Variants in SERGEF observed in about 807,000 individuals in gnomAD.
SERGEF encodes the protein secretion regulating guanine nucleotide exchange factor.
SERGEF carries 51 observed loss-of-function variants against 50.0 expected under a neutral mutation model. The observed-to-expected ratio is 1.02, with a 90% CI of 0.81 to 1.29. The LOEUF is 1.29. Among genes scored for constraint, SERGEF ranks in the 50% most tolerant of loss-of-function variants. The probability of loss-of-function intolerance (pLI) is 0.00; values close to 1 mark genes in which losing one functional copy is unlikely to be tolerated. For missense variants in SERGEF, 521 were observed against 557.0 expected, an observed-to-expected ratio of 0.94 and a Z score of 0.65; for synonymous variants, 205 against 212.4, an observed-to-expected ratio of 0.97 and a Z score of 0.30.
At chr11:17,981,812 T>TC (rs1408054992) in intron 8 of SERGEF, among the ~76,000 whole-genome samples, 4 of 152,076 alleles carry the variant, frequency 2.6e-5, no homozygotes, top group Non-Finnish European at 5.9e-5. Flanking sequence ...TCTTTTTTTT[T>TC]CTCTTTGAGA....
At chr11:17,925,792 G>C (rs1205255506) in intron 9 of SERGEF, among the ~76,000 whole-genome samples, 1 of 152,132 alleles carries the variant, frequency 6.6e-6, no homozygotes, top group African/African-American at 2.4e-5. Flanking sequence ...TGCATTTTTG[G>C]AAGTGTCTTC....
chr11:17,887,334 A>T lies in SERGEF; in HGVS notation c.1012-9090T>A, dbSNP rs180810783. 1.1e-3 allele frequency among the ~76,000 whole-genome samples: 168 copies of T among 152,354 alleles called. 1 individual carries two copies. The highest frequency in any genetic ancestry group is 2.3e-3 in the Non-Finnish European group (157 of 68,028). ...ATCTCTGGTCCTTGCCAACTAAAAA[A>T]GCCTAACACAACAATACATCTGGAT... On this transcript the variant is annotated intron_variant, in intron 9 of 10. Coordinates refer to ENST00000265965, the MANE Select transcript of SERGEF (RefSeq NM_012139.4).
rs757339242 is a variant in SERGEF, at chr11:17,888,859, G to A, written c.1012-10615C>T. ...AAAGAACAGTTTGAGCCTGGAACAT[G>A]TATTTGTACCACGAAGTAAGAAAGT... is the stretch of plus-strand genomic sequence containing the variant. On this transcript the variant is annotated intron_variant, in intron 9 of 10. Transcript: ENST00000265965. This position sits in a 1 kb window ranked among gnomAD's most constrained non-coding sequence, Gnocchi z 4.1. Among the ~76,000 whole-genome samples, 18 of 152,172 alleles carry A rather than the reference G, an allele frequency of 1.2e-4. No individual in the cohort carries two copies. Among genetic ancestry groups the A allele is most frequent in the African/African-American group, 1.2e-4 (5 of 41,432 alleles).
intron 10 of SERGEF, among the ~76,000 whole-genome samples, chr11:17,828,412 A>G (rs1284765409): frequency 1.3e-5 from 2 of 152,220 alleles, no homozygotes; most frequent in Non-Finnish European, 2.9e-5. Context: ...GCTGTGGCTG[A>G]CCAGCCCTGC....
At chr11:17,820,135 C>T (rs1476529126) in intron 10 of SERGEF, among the ~76,000 whole-genome samples, 2 of 152,130 alleles carry the variant, frequency 1.3e-5, no homozygotes, top group Non-Finnish European at 2.9e-5. Context: ...TGAGCCACTG[C>T]ACCTGGCCCT....
At chr11:17,914,966 A>G (rs1852022141) in intron 9 of SERGEF, among the ~76,000 whole-genome samples, 1 of 152,362 alleles carries the variant, frequency 6.6e-6, no homozygotes, top group African/African-American at 2.4e-5. Context: ...GGAGAATAAA[A>G]GAAGAGGTCC....
At chr11:17,977,400 C>T (rs892212112) in intron 8 of SERGEF, among the ~76,000 whole-genome samples, 2 of 152,106 alleles carry the variant, frequency 1.3e-5, no homozygotes, top group African/African-American at 4.8e-5. Context: ...ACTGCTAGAA[C>T]ACAGGCACAG....
chr11:18,012,397 A>G (rs1281402479), intron 1 of SERGEF: 2 of 738,664 alleles, frequency 2.7e-6, no homozygotes, highest in African/African-American at 3.8e-5. Context: ...CGTCAAACCA[A>G]CAGCAGCCCA....
intron 10 of SERGEF, among the ~76,000 whole-genome samples, chr11:17,808,693 A>G (rs1273268099): frequency 6.6e-6 from 1 of 152,200 alleles, no homozygotes; most frequent in African/African-American, 2.4e-5. Context: ...CAGGATAGTG[A>G]CATTTCCAGG....
chr11:17,930,867 C>T lies in SERGEF; in HGVS notation c.1011+28603G>A, dbSNP rs576722750. On this transcript the variant is annotated intron_variant, in intron 9 of 10. Coordinates refer to ENST00000265965, the MANE Select transcript of SERGEF (RefSeq NM_012139.4). Reference sequence around the variant, plus strand: ...CAGTGAGAAAGATCTGAGATGCTAGCTGCATGTCAGTCAGCTGTAATCAGC... The same window carrying T: ...CAGTGAGAAAGATCTGAGATGCTAGTTGCATGTCAGTCAGCTGTAATCAGC... Among the ~76,000 whole-genome samples, 61 of 152,266 alleles carry T rather than the reference C, an allele frequency of 4.0e-4. No homozygotes were observed. In the South Asian group the frequency reaches 0.013, roughly 32 times the overall value.
intron 10 of SERGEF, among the ~76,000 whole-genome samples, chr11:17,800,263 G>A (rs1164598837): frequency 6.6e-6 from 1 of 151,986 alleles, no homozygotes; most frequent in Non-Finnish European, 1.5e-5. Context: ...TTACTTCATA[G>A]CCTTCCCCAC....
chr11:17,814,522 T>C (rs1203955364), intron 10 of SERGEF, among the ~76,000 whole-genome samples: 2 of 152,226 alleles, frequency 1.3e-5, no homozygotes, highest in African/African-American at 4.8e-5. Flanking sequence ...GGTAGAGATT[T>C]AACTTATTGG....
intron 8 of SERGEF, among the ~76,000 whole-genome samples, chr11:17,987,824 G>A (rs918338958): frequency 5.9e-5 from 9 of 152,204 alleles, no homozygotes; most frequent in African/African-American, 1.9e-4. Context: ...CAGGACAGGA[G>A]TAGGCAAGGG....
At chr11:17,953,474 C>T (rs1269633362) in intron 9 of SERGEF, among the ~76,000 whole-genome samples, 3 of 152,202 alleles carry the variant, frequency 2.0e-5, no homozygotes, top group Admixed American at 2.0e-4. Context: ...TATAGGCTCA[C>T]AGCCTATCTG....
At chr11:17,850,022 A>G (rs1170499096) in intron 10 of SERGEF, among the ~76,000 whole-genome samples, 1 of 152,078 alleles carries the variant, frequency 6.6e-6, no homozygotes, top group African/African-American at 2.4e-5. Context: ...ACAGTTCTGG[A>G]GGCTGGAAAG....
intron 9 of SERGEF, among the ~76,000 whole-genome samples, chr11:17,912,769 T>C (rs1165524701): frequency 1.3e-5 from 2 of 152,218 alleles, no homozygotes; most frequent in South Asian, 4.1e-4. Flanking sequence ...ACAATGTGTA[T>C]ACATTCCACC....
intron 10 of SERGEF, among the ~76,000 whole-genome samples, chr11:17,813,425 C>T (rs1408011345): frequency 1.3e-5 from 2 of 152,174 alleles, no homozygotes; most frequent in South Asian, 2.1e-4. Context: ...TTTTCACAAC[C>T]TTTTGCTACC....
At chr11:17,897,491 T>C (rs1851670061) in intron 9 of SERGEF, among the ~76,000 whole-genome samples, 1 of 152,192 alleles carries the variant, frequency 6.6e-6, no homozygotes, top group Admixed American at 6.5e-5. Context: ...ACTAATACAA[T>C]GGATAAGTGA....
chr11:17,993,649 C>CT (rs532375135), intron 6 of SERGEF, among the ~76,000 whole-genome samples: 1 of 152,038 alleles, frequency 6.6e-6, no homozygotes, highest in South Asian at 2.1e-4. Flanking sequence ...TATTCTGTAA[C>CT]TTTTTTTTCT....
Sources: gnomAD v4.1 joint callset for allele counts (sites outside exome capture counted in the v4.1 genomes callset) on GRCh38, gnomAD v4.1.1 for gene constraint, Gnocchi (gnomAD v3.1) non-coding constraint, MANE v1.5 for transcripts, NCBI Gene and HGNC (gene_info 2026-07-23, HGNC 2026-07-21) for gene names.